The following ASXL2 variants were observed in gnomAD, a reference collection of about 807,000 sequenced individuals.
ASXL2 encodes ASXL transcriptional regulator 2, also known as putative Polycomb group protein ASXL2.
A neutral mutation model predicts 122.0 loss-of-function variants in ASXL2; 23 were observed. The ratio of observed to expected loss-of-function variants is 0.19; its 90% CI spans 0.14 to 0.27. The LOEUF is 0.27. Among genes scored for constraint, ASXL2 ranks in the 10% least tolerant of loss-of-function variants. ASXL2 has a pLI of 1.00. For synonymous variants in ASXL2, 650 were observed against 637.0 expected (o/e 1.02, Z -0.31); for missense variants, 1,518 against 1,713.8 (o/e 0.89, Z 2.02).
At chr2:25,746,045 C>A (rs1364015582) in intron 12 of ASXL2, among the ~76,000 whole-genome samples, 2 of 152,008 alleles carry the variant, frequency 1.3e-5, no homozygotes, top group African/African-American at 2.4e-5. Flanking sequence ...ACTAATAATT[C>A]AACAAGATGT....
chr2:25,835,420 C>G, intron 3 of ASXL2, 118 bp downstream of exon 3: 1 of 184,862 alleles, frequency 5.4e-6, no homozygotes, highest in South Asian at 8.2e-5. Context: ...AGTTTCTGGA[C>G]TAATTATTTA....
At position 25,742,319 on chromosome 2, in the gene ASXL2, C is replaced by A; in HGVS notation, c.4018G>T (p.Asp1340Tyr). Residue 1340 changes from aspartate (D) to tyrosine (Y), a missense_variant, in exon 13 of 13, where the codon GAC (aspartate) becomes TAC (tyrosine). Asp to Tyr is a radical substitution (Grantham distance 160). This residue lies in a region of ASXL2 where 831 missense variants were observed against 833.1 expected (regional missense o/e 1.00). Coordinates refer to ENST00000435504, the MANE Select transcript of ASXL2 (RefSeq NM_018263.6). Reference protein sequence around the residue: ...MINVSTSSDMDHNSAVPGSQV... With the variant: ...MINVSTSSDMYHNSAVPGSQV... ...CTACCTGGTACAGCAGAGTTATGGT[C>A]CATGTCAGATGAGGTGGAGACATTG... is the stretch of plus-strand genomic sequence containing the variant. 1 of 1,613,430 alleles carries A rather than the reference C, an allele frequency of 6.2e-7. No homozygotes were observed. The highest frequency in any genetic ancestry group is 2.2e-5 in the East Asian group (1 of 44,844).
chr2:25,769,014 C>G, intron 6 of ASXL2, 146 bp from the exon 7 acceptor site: 1 of 948,222 alleles, frequency 1.1e-6, no homozygotes, highest in Non-Finnish European at 1.5e-6. Context: ...CTAAATTAAG[C>G]TAACTCTCGC....
At chr2:25,854,748 C>T (rs984601899) in intron 1 of ASXL2, among the ~76,000 whole-genome samples, 1 of 152,164 alleles carries the variant, frequency 6.6e-6, no homozygotes, top group African/African-American at 2.4e-5. Context: ...TGCAGTCTGG[C>T]CATGAGTGAC....
Position 25,864,074 on chromosome 2 carries a change from G to A in ASXL2, c.57+14092C>T, listed in dbSNP as rs536181438. ...AACTCAATTAAGTGAAGAAAGGTGT[G>A]GGAATTTCAGAAAAAGTAAGCAACA... On this transcript the variant is annotated intron_variant, in intron 1 of 12. Transcript: ENST00000435504. Among the ~76,000 whole-genome samples, 8 of 151,860 alleles carry A rather than the reference G, an allele frequency of 5.3e-5. No homozygotes were observed. The East Asian group carries it at 1.5e-3, about 29-fold the overall frequency.
rs779970745 is a variant in ASXL2 at position 25,878,236 on chromosome 2, C to A, written c.-14G>T. ...CTTTTCCCTCATGTCGGGTCTTGAA[C>A]TGACTGGGAGGCTCCCGTGTCCGGG... On this transcript the variant is annotated 5_prime_UTR_variant, in exon 1 of 13. Coordinates refer to ENST00000435504, the MANE Select transcript of ASXL2 (RefSeq NM_018263.6). The A allele has an allele frequency of 6.2e-7, 1 of 1,613,764 alleles. No homozygotes were observed. The highest frequency in any genetic ancestry group is 2.2e-5 in the East Asian group (1 of 44,840).
intron 3 of ASXL2, chr2:25,810,515 C>T (rs2089152360): frequency 4.0e-6 from 3 of 744,318 alleles, no homozygotes; most frequent in Non-Finnish European, 7.2e-6. Flanking sequence ...GAGGCCACCT[C>T]AGCCTCAGCC....
At chr2:25,808,015 A>ACACACACACACACACACACACACACC (rs1553700920) in intron 3 of ASXL2, among the ~76,000 whole-genome samples, 1 of 151,418 alleles carries the variant, frequency 6.6e-6, no homozygotes, top group Admixed American at 6.6e-5. Context: ...ACACACACAC[A>ACACACACACACACACACACACACACC]CACACACTCT....
rs116454002 is a variant in ASXL2 at position 25,745,630 on chromosome 2, T to C, written c.1861-1154A>G. On this transcript the variant is annotated intron_variant, in intron 12 of 12. Transcript: ENST00000435504. ...CTGATGTCTATCAGGTTTGAAACCA[T>C]TGATTTCCTTCTTTTTTTTTTTTTT... 9.4e-3 allele frequency among the ~76,000 whole-genome samples: 1,354 copies of C among 144,272 alleles called. 27 individuals carry two copies. The highest frequency in any genetic ancestry group is 0.033 in the African/African-American group (1,305 of 39,058). 94.6% of individuals were successfully genotyped at this position (144,272 alleles called of 152,430 possible).
chr2:25,833,968 G>A (rs769893106), intron 3 of ASXL2, among the ~76,000 whole-genome samples: 2 of 152,136 alleles, frequency 1.3e-5, no homozygotes, highest in African/African-American at 2.4e-5. Flanking sequence ...TTGCCTTTGA[G>A]TCTGAGTCTT....
intron 5 of ASXL2, among the ~76,000 whole-genome samples, chr2:25,798,881 T>A (rs1463921834): frequency 6.6e-6 from 1 of 152,210 alleles, no homozygotes; most frequent in Non-Finnish European, 1.5e-5. Flanking sequence ...TGAATACACA[T>A]CGTTATACAT....
chr2:25,782,416 T>TG (rs1009382921), intron 5 of ASXL2, among the ~76,000 whole-genome samples: 4 of 151,708 alleles, frequency 2.6e-5, no homozygotes, highest in Non-Finnish European at 4.4e-5. Flanking sequence ...CGTGGTGACA[T>TG]GCGCCTGTAA....
At chr2:25,812,726 C>T (rs2089187195) in intron 3 of ASXL2, among the ~76,000 whole-genome samples, 1 of 152,150 alleles carries the variant, frequency 6.6e-6, no homozygotes, top group Admixed American at 6.5e-5. Context: ...GGATTTACTC[C>T]ATCATTGAAA....
chr2:25,868,475 T>A (rs2089927959), intron 1 of ASXL2, among the ~76,000 whole-genome samples: 1 of 152,278 alleles, frequency 6.6e-6, no homozygotes. Context: ...AGTTTTACAA[T>A]GCTCTCTGAT....
At chr2:25,831,299 T>C (rs1456917951) in intron 3 of ASXL2, among the ~76,000 whole-genome samples, 1 of 137,014 alleles carries the variant, frequency 7.3e-6, no homozygotes, top group African/African-American at 2.8e-5. Flanking sequence ...TGAGACTCCG[T>C]CTCAAAAAAA....
chr2:25,747,197 C>G (rs949363382), intron 12 of ASXL2, among the ~76,000 whole-genome samples: 2 of 152,092 alleles, frequency 1.3e-5, no homozygotes, highest in East Asian at 3.8e-4. Flanking sequence ...CTTGCTGATA[C>G]AGAGGGCTGA....
Position 25,799,507 on chromosome 2 carries a change from A to G in ASXL2, c.281T>C (p.Leu94Pro), listed in dbSNP as rs1486176087. 27 of 1,613,750 alleles carry G rather than the reference A, an allele frequency of 1.7e-5. No individual in the cohort carries two copies. Among genetic ancestry groups the G allele is most frequent in the Non-Finnish European group, 2.3e-5 (27 of 1,179,840 alleles). Residue 94 changes from leucine (L) to proline (P), a missense_variant, in exon 5 of 13, where the codon CTG becomes CCG. Leu to Pro is a moderately conservative substitution (Grantham distance 98). This residue lies in a region of ASXL2 where 198 missense variants were observed against 209.0 expected (regional missense o/e 0.95). Transcript: ENST00000435504. ...ACTGCTTTCTTCTGAACCTTCTGAC[A>G]GCTCTTTCACCCCATCCGGCACATC... ...KKDVPDGVKE[L>P]SEGSEESSDG...
At chr2:25,839,215 T>A (rs867692740) in intron 2 of ASXL2, among the ~76,000 whole-genome samples, 1 of 152,214 alleles carries the variant, frequency 6.6e-6, no homozygotes, top group African/African-American at 2.4e-5. Context: ...GGTATTTATG[T>A]AACAAACAGA....
At chr2:25,753,512 A>C in intron 11 of ASXL2, 22 bp downstream of exon 11, 2 of 1,585,204 alleles carry the variant, frequency 1.3e-6, no homozygotes, top group African/African-American at 2.7e-5. Flanking sequence ...CATTTGGTTT[A>C]TAGAACCTGT....
Sources: allele counts gnomAD v4.1 joint callset (sites outside exome capture counted in the v4.1 genomes callset), GRCh38; gene constraint gnomAD v4.1.1; regional missense constraint gnomAD v4.1.1; transcripts MANE v1.5; gene names NCBI Gene and HGNC (gene_info 2026-07-23, HGNC 2026-07-21).